Variants in FAM186A observed in about 807,000 individuals in gnomAD.
The protein encoded by FAM186A is protein FAM186A.
FAM186A carries 163 observed loss-of-function variants against 216.8 expected under a neutral mutation model. That is an observed-to-expected ratio of 0.75 (90% CI 0.66 to 0.86). The LOEUF is 0.86. Ranked by LOEUF, FAM186A falls within the 40% of genes least tolerant of loss-of-function variation. The pLI is 0.00. For synonymous variants in FAM186A, 805 were observed against 1,025.3 expected (o/e 0.79, Z 4.10); for missense variants, 2,184 against 2,746.2 (o/e 0.80, Z 4.58).
intron 4 of FAM186A, among the ~76,000 whole-genome samples, chr12:50,339,855 T>C (rs1942745657): frequency 6.6e-6 from 1 of 152,016 alleles, no homozygotes; most frequent in East Asian, 1.9e-4. Context: ...TTTCTTTTTT[T>C]GAGACAGAGT....
At position 50,396,418 on chromosome 12, in the gene FAM186A, T is replaced by G. The variant is rs1227227821; in HGVS notation, c.67A>C (p.Thr23Pro). ...PESEKCIKDS[T>P]IMRREPQNIL... ...TTTTGGGGCTCTCTTCTCATGATGG[T>G]GGAATCCTTGATGCATTTTTCTGAT... The change falls in exon 1 of 8, where the codon ACC (threonine) becomes CCC (proline). Residue 23 changes from threonine (T) to proline (P), a missense_variant. By Grantham distance (38) the Thr-to-Pro change is conservative. Coordinates refer to ENST00000327337, the MANE Select transcript of FAM186A (RefSeq NM_001145475.3). 5.8e-6 allele frequency: 9 copies of G among 1,551,526 alleles called. No individual in the cohort carries two copies. Among genetic ancestry groups the G allele is most frequent in the African/African-American group, 4.1e-5 (3 of 73,060 alleles).
chr12:50,360,901 T>C lies in FAM186A; in HGVS notation c.438A>G (p.Leu146=). The change falls in exon 3 of 8, where the codon CTA becomes CTG. Residue 146 remains leucine, a synonymous_variant. Coordinates refer to ENST00000327337, the MANE Select transcript of FAM186A (RefSeq NM_001145475.3). The part of the protein sequence containing the change: ...EWNDVLSEMT[L]MDVDEHHHWI... ...AGTGGTGGTGTTCATCAACATCCAT[T>C]AGAGTCATCTCAGACAAAACATCAT... is the stretch of plus-strand genomic sequence containing the variant. 6.5e-7 allele frequency: 1 copy of C among 1,543,232 alleles called. No homozygotes were observed. Among genetic ancestry groups the C allele is most frequent in the Non-Finnish European group, 8.7e-7 (1 of 1,145,016 alleles).
At chr12:50,334,376 T>C (rs1340258900) in intron 4 of FAM186A, among the ~76,000 whole-genome samples, 1 of 151,736 alleles carries the variant, frequency 6.6e-6, no homozygotes, top group East Asian at 1.9e-4. Context: ...TTCTCCATGT[T>C]GGTCAGGCTG....
At chr12:50,332,748 G>C (rs1485767731) in intron 5 of FAM186A, among the ~76,000 whole-genome samples, 1 of 152,144 alleles carries the variant, frequency 6.6e-6, no homozygotes, top group Non-Finnish European at 1.5e-5. Context: ...ACTGTTCTGG[G>C]CCGGGCACGG....
intron 4 of FAM186A, among the ~76,000 whole-genome samples, chr12:50,338,722 G>A (rs1942734932): frequency 6.6e-6 from 1 of 151,726 alleles, no homozygotes; most frequent in Non-Finnish European, 1.5e-5. Flanking sequence ...TTTGGAAATG[G>A]ATTTTTAAAA....
intron 3 of FAM186A, among the ~76,000 whole-genome samples, chr12:50,357,594 TA>T (rs1242513493): frequency 1.3e-5 from 2 of 151,718 alleles, no homozygotes; most frequent in African/African-American, 4.8e-5. Flanking sequence ...AAGGCAAAGA[TA>T]AAACAGGGCA....
At position 50,355,270 on chromosome 12, in the gene FAM186A, T is replaced by G. The variant is rs763751487; in HGVS notation, c.1562A>C (p.Lys521Thr). ...TTCAGTTAAAGAGAGATGTTTTCTTTTTGCTTCAGTGGGTGACTTTGATTT... is the reference window on the plus strand; with the variant it reads ...TTCAGTTAAAGAGAGATGTTTTCTTGTTGCTTCAGTGGGTGACTTTGATTT... ...EDKSKSPTEA[K>T]RKHLSLTETK... The change falls in exon 4 of 8, where the codon AAA becomes ACA. Residue 521 changes from lysine to threonine, a missense_variant. Coordinates refer to ENST00000327337, the MANE Select transcript of FAM186A (RefSeq NM_001145475.3). The G allele has an allele frequency of 3.2e-6, 5 of 1,551,482 alleles. No homozygotes were observed. The highest frequency in any genetic ancestry group is 4.4e-6 in the Non-Finnish European group (5 of 1,146,986).
At chr12:50,349,472 A>G (rs1009835144) in intron 4 of FAM186A, among the ~76,000 whole-genome samples, 1 of 151,946 alleles carries the variant, frequency 6.6e-6, no homozygotes, top group Non-Finnish European at 1.5e-5. Context: ...TACAGGCGTG[A>G]GTCACTGCAC....
At chr12:50,356,333 C>G in intron 3 of FAM186A, 85 bp from the exon 4 acceptor site, 2 of 1,074,236 alleles carry the variant, frequency 1.9e-6, no homozygotes, top group Non-Finnish European at 2.6e-6. Context: ...AGGAATTTAG[C>G]CTAGATTAAC....
At chr12:50,337,290 T>TG (rs1491366661) in intron 4 of FAM186A, among the ~76,000 whole-genome samples, 1 of 58,204 alleles carries the variant, frequency 1.7e-5, no homozygotes, top group African/African-American at 8.9e-5. Flanking sequence ...GAGATAATTC[T>TG]TTTTTTTTTT....
In FAM186A at chr12:50,356,943, G is replaced by A. The variant is rs149450817; in HGVS notation, c.584-695C>T. On this transcript the variant is annotated intron_variant, in intron 3 of 7. Coordinates refer to ENST00000327337, the MANE Select transcript of FAM186A (RefSeq NM_001145475.3). ...GAACTCGGGAGGCGGAGGTTGCAGT[G>A]AGCCGAGATTGCGCCACTGCACTCA... 4.8e-3 allele frequency among the ~76,000 whole-genome samples: 727 copies of A among 152,226 alleles called. 6 individuals carry two copies. The highest frequency in any genetic ancestry group is 0.014 in the Middle Eastern group (4 of 294).
At chr12:50,360,960 C>T (rs1943028895) in intron 2 of FAM186A, 34 bp from the exon 3 acceptor site, 1 of 1,479,372 alleles carries the variant, frequency 6.8e-7, no homozygotes, top group Admixed American at 2.4e-5. Flanking sequence ...CATTTTTGTG[C>T]AGAAAAATAA....
chr12:50,391,732 A>ACCC (rs1943359018), intron 1 of FAM186A, among the ~76,000 whole-genome samples: 1 of 152,162 alleles, frequency 6.6e-6, no homozygotes, highest in African/African-American at 2.4e-5. Flanking sequence ...CTGCCTCCCA[A>ACCC]GTAGCTGGGA....
In FAM186A at chr12:50,347,254, G is replaced by T. The variant is rs12307971; in HGVS notation, c.6503+3075C>A. Reference sequence around the variant, plus strand: ...TGTGGGTTACTATGCCAGAGGAAAAGGAAACTCTGTAGGTCATCAAACCAA... The same window carrying T: ...TGTGGGTTACTATGCCAGAGGAAAATGAAACTCTGTAGGTCATCAAACCAA... On this transcript the variant is annotated intron_variant, in intron 4 of 7. Transcript: ENST00000327337. Among the ~76,000 whole-genome samples the T allele has an allele frequency of 2.0e-3, 298 of 152,190 alleles. 1 individual carries two copies. Among genetic ancestry groups the T allele is most frequent in the African/African-American group, 6.5e-3 (269 of 41,522 alleles).
intron 1 of FAM186A, among the ~76,000 whole-genome samples, chr12:50,387,526 C>T (rs1052551900): frequency 2.0e-5 from 3 of 152,084 alleles, no homozygotes; most frequent in East Asian, 1.9e-4. Context: ...AGGAAAAGAC[C>T]GGCTGGTGGT....
chr12:50,335,041 C>T (rs190398717), intron 4 of FAM186A, among the ~76,000 whole-genome samples: 1 of 151,756 alleles, frequency 6.6e-6, no homozygotes, highest in Non-Finnish European at 1.5e-5. Context: ...GTGGGAGGAT[C>T]GCTTGAGGCC....
chr12:50,335,389 T>TA (rs1409032700), intron 4 of FAM186A, among the ~76,000 whole-genome samples: 17 of 152,212 alleles, frequency 1.1e-4, no homozygotes, highest in African/African-American at 3.6e-4. Context: ...CTCACGCCTG[T>TA]AATCCAAGCA....
Position 50,350,925 on chromosome 12 carries a change from GATCAATACTGA to G in FAM186A, c.5896_5906del (p.Ser1966ProfsTer3). On this transcript the variant is annotated frameshift_variant, in exon 4 of 8. Transcript: ENST00000327337. LOFTEE classifies it high-confidence loss of function. ...CCTTGAAATCTGGAGCACTAGGATG[GATCAATACTGA>G]TTTAGATTTCAGAGAAGAAATAATT... 6.4e-7 allele frequency: 1 copy of G among 1,551,454 alleles called. No individual in the cohort carries two copies. The highest frequency in any genetic ancestry group is 8.7e-7 in the Non-Finnish European group (1 of 1,146,918).
At position 50,355,435 on chromosome 12, in the gene FAM186A, G is replaced by A. The variant is rs1171044793; in HGVS notation, c.1397C>T (p.Thr466Ile). ...TGGTCCAGAGGTCTCATATACATAT[G>A]TGGCTTTTTTGTGGCTTCTTTTCCA... is the stretch of plus-strand genomic sequence containing the variant. ...QSWKRSHKKA[T>I]YVYETSGPNL... The change falls in exon 4 of 8, where the codon ACA becomes ATA. Residue 466 changes from threonine (T) to isoleucine (I), a missense_variant. Physicochemically the swap from Thr to Ile is moderately conservative, Grantham distance 89. Transcript: ENST00000327337. 1.9e-6 allele frequency: 3 copies of A among 1,551,126 alleles called. No homozygotes were observed. The highest frequency in any genetic ancestry group is 1.7e-6 in the Non-Finnish European group (2 of 1,146,934).
Sources: gnomAD v4.1 joint callset for allele counts (sites outside exome capture counted in the v4.1 genomes callset) on GRCh38, gnomAD v4.1.1 for gene constraint, MANE v1.5 for transcripts, NCBI Gene and HGNC (gene_info 2026-07-23, HGNC 2026-07-21) for gene names.